The following TMEM200A variants were observed in gnomAD, a reference collection of about 807,000 sequenced individuals.
TMEM200A encodes transmembrane protein 200A.
In TMEM200A, 12 loss-of-function variants were observed where a neutral mutation model predicts 24.3. That is an observed-to-expected ratio of 0.49 (90% CI 0.32 to 0.80). The LOEUF is 0.80. TMEM200A is among the 30% of genes least tolerant of loss of function. The pLI, the probability that TMEM200A is intolerant of heterozygous loss-of-function variation, is 0.04. For missense variants in TMEM200A, 545 were observed against 614.4 expected, an observed-to-expected ratio of 0.89 and a Z score of 1.19; for synonymous variants, 224 against 224.4, an observed-to-expected ratio of 1.00 and a Z score of 0.02.
At chr6:130,414,431 CAAAAAAAAAA>C (rs11317905) in intron 2 of TMEM200A, among the ~76,000 whole-genome samples, 32 of 57,902 alleles carry the variant, frequency 5.5e-4, no homozygotes, top group Non-Finnish European at 5.2e-4. Flanking sequence ...GACTCCATCT[CAAAAAAAAAA>C]AAAAAAAAAA....
rs1778160469 is a variant in TMEM200A at position 130,366,663 on chromosome 6, C to T, written c.-81+139C>T. On this transcript the variant is annotated intron_variant, in intron 1 of 2. Transcript: ENST00000296978. This position sits in a 1 kb window ranked among gnomAD's most constrained non-coding sequence, Gnocchi z 4.4. ...CCAGAGTTAGGTAAACGCTGTCTCT[C>T]CTAAAGTTTGGGAAATAAACCAAGT... 2.5e-6 allele frequency: 2 copies of T among 788,358 alleles called. No homozygotes were observed. The highest frequency in any genetic ancestry group is 3.1e-6 in the Non-Finnish European group (2 of 650,168). 48.8% of individuals were successfully genotyped at this position (788,358 alleles called of 1,614,324 possible). A position where few individuals can be genotyped will look rare whatever the true frequency, so the allele number is the denominator to read the frequency against.
intron 2 of TMEM200A, among the ~76,000 whole-genome samples, chr6:130,402,430 G>A (rs1286949476): frequency 6.6e-6 from 1 of 151,960 alleles, no homozygotes; most frequent in Non-Finnish European, 1.5e-5. Flanking sequence ...TTACTAACTG[G>A]ATAAGACCCA....
At position 130,379,887 on chromosome 6, in the gene TMEM200A, G is replaced by T. The variant is rs144365371; in HGVS notation, c.-80-5286G>T. Reference sequence around the variant, plus strand: ...GAAGGAGGCTTAGGAACAAGCTTTGGGAATTTCTACATTTCAGGGTGGATA... The same window carrying T: ...GAAGGAGGCTTAGGAACAAGCTTTGTGAATTTCTACATTTCAGGGTGGATA... On this transcript the variant is annotated intron_variant, in intron 1 of 2. Transcript: ENST00000296978. Among the ~76,000 whole-genome samples the T allele has an allele frequency of 2.4e-3, 371 of 152,230 alleles. 2 individuals are homozygous for T. The highest frequency in any genetic ancestry group is 8.7e-3 in the African/African-American group (360 of 41,530).
chr6:130,425,921 T>A (rs114010258), intron 2 of TMEM200A, among the ~76,000 whole-genome samples: 2 of 152,260 alleles, frequency 1.3e-5, no homozygotes, highest in African/African-American at 2.4e-5. Flanking sequence ...TCTGATACCA[T>A]TGAGGATCAA....
rs1778164274 is a variant in TMEM200A, at chr6:130,366,717, C to G, written c.-81+193C>G. 6.6e-6 allele frequency among the ~76,000 whole-genome samples: 1 copy of G among 152,202 alleles called. No individual in the cohort carries two copies. ...CCATCAGGTCCAGACTCCCCAGTCC[C>G]GGGAGCGCGAGAGAAGCCGTGCGGG... On this transcript the variant is annotated intron_variant, in intron 1 of 2. Coordinates refer to ENST00000296978, the MANE Select transcript of TMEM200A (RefSeq NM_001258277.2). This position sits in a 1 kb window ranked among gnomAD's most constrained non-coding sequence, Gnocchi z 4.4.
intron 2 of TMEM200A, among the ~76,000 whole-genome samples, chr6:130,415,971 CTTTT>C (rs1779439673): frequency 6.6e-6 from 1 of 151,626 alleles, no homozygotes; most frequent in African/African-American, 2.4e-5. Flanking sequence ...GGCTTTTTTT[CTTTT>C]TATCATTAAA....
intron 2 of TMEM200A, among the ~76,000 whole-genome samples, chr6:130,434,689 G>A (rs1475950446): frequency 6.6e-6 from 1 of 152,032 alleles, no homozygotes; most frequent in Admixed American, 6.6e-5. Flanking sequence ...TAGAACGGAC[G>A]GTATGTGGTA....
chr6:130,382,709 G>A (rs1337359827), intron 1 of TMEM200A, among the ~76,000 whole-genome samples: 1 of 152,130 alleles, frequency 6.6e-6, no homozygotes, highest in Non-Finnish European at 1.5e-5. Flanking sequence ...TTTTACCACT[G>A]GCAATGTTAC....
intron 2 of TMEM200A, among the ~76,000 whole-genome samples, chr6:130,423,906 ATTTC>A (rs1779663143): frequency 6.6e-6 from 1 of 152,106 alleles, no homozygotes; most frequent in Admixed American, 6.6e-5. Context: ...AGTTTTGATA[ATTTC>A]TTATAGAAGT....
intron 2 of TMEM200A, among the ~76,000 whole-genome samples, chr6:130,412,274 T>G (rs1011292597): frequency 6.6e-6 from 1 of 151,932 alleles, no homozygotes; most frequent in Non-Finnish European, 1.5e-5. Context: ...ATCTGGGTAT[T>G]GCCGCCACTC....
At chr6:130,425,308 A>G (rs1779704085) in intron 2 of TMEM200A, among the ~76,000 whole-genome samples, 1 of 151,202 alleles carries the variant, frequency 6.6e-6, no homozygotes. Context: ...ATTGAAAACA[A>G]TATAAGCAGA....
At position 130,404,709 on chromosome 6, in the gene TMEM200A, CA is replaced by C. The variant is rs997206818; in HGVS notation, c.-17+19475del. Among the ~76,000 whole-genome samples, 39 of 152,244 alleles carry C rather than the reference CA, an allele frequency of 2.6e-4. 1 individual carries two copies. The highest frequency in any genetic ancestry group is 8.7e-4 in the African/African-American group (36 of 41,544). ...CATTTGTCAATTTTTACTTTAGTTG[CA>C]ATTGCTTTTGGCGTCTTTGTCATGG... is the stretch of plus-strand genomic sequence containing the variant. On this transcript the variant is annotated intron_variant, in intron 2 of 2. Transcript: ENST00000296978.
chr6:130,422,532 G>T (rs547233245), intron 2 of TMEM200A, among the ~76,000 whole-genome samples: 7 of 152,238 alleles, frequency 4.6e-5, no homozygotes, highest in African/African-American at 1.7e-4. Context: ...CTCCCAAAGT[G>T]CTAGGATTAC....
At chr6:130,415,303 G>A (rs1779423857) in intron 2 of TMEM200A, among the ~76,000 whole-genome samples, 2 of 152,154 alleles carry the variant, frequency 1.3e-5, no homozygotes, top group Admixed American at 1.3e-4. Context: ...AGGTACTAAG[G>A]ACTGGGGGAT....
At chr6:130,374,617 T>C (rs1172150750) in intron 1 of TMEM200A, among the ~76,000 whole-genome samples, 2 of 151,798 alleles carry the variant, frequency 1.3e-5, no homozygotes, top group Non-Finnish European at 1.5e-5. Flanking sequence ...AGAGATGGAG[T>C]TTCACCATGT....
intron 1 of TMEM200A, among the ~76,000 whole-genome samples, chr6:130,381,711 T>TTTGTTG (rs751993888): frequency 7.9e-5 from 12 of 152,146 alleles, no homozygotes; most frequent in Non-Finnish European, 1.6e-4. Context: ...AGGCTACCTC[T>TTTGTTG]TTGTTGTTGT....
intron 2 of TMEM200A, among the ~76,000 whole-genome samples, chr6:130,430,138 G>A (rs1018871023): frequency 6.6e-6 from 1 of 151,908 alleles, no homozygotes. Flanking sequence ...TCTGAAAGCT[G>A]GGAAGTCCAA....
At position 130,440,648 on chromosome 6, in the gene TMEM200A, A is replaced by G; in HGVS notation, c.226A>G (p.Ile76Val). Reference sequence around the variant, plus strand: ...AGGAGTGCTCATCTCCATTATAGGAATTGCTATGGCCGTTCTTGGATATTG... The same window carrying G: ...AGGAGTGCTCATCTCCATTATAGGAGTTGCTATGGCCGTTCTTGGATATTG... ...ILGVLISIIG[I>V]AMAVLGYWPQ... is the part of the protein sequence containing the mutation. The change falls in exon 3 of 3, where the codon ATT becomes GTT. Residue 76 changes from isoleucine to valine, a missense_variant. By Grantham distance (29) the Ile-to-Val change is conservative. Transcript: ENST00000296978. 6.2e-7 allele frequency: 1 copy of G among 1,613,766 alleles called. No individual in the cohort carries two copies. Among genetic ancestry groups the G allele is most frequent in the African/African-American group, 1.3e-5 (1 of 75,046 alleles).
At chr6:130,368,972 C>A (rs1182472741) in intron 1 of TMEM200A, among the ~76,000 whole-genome samples, 1 of 152,032 alleles carries the variant, frequency 6.6e-6, no homozygotes, top group Non-Finnish European at 1.5e-5. Context: ...CAAATTCTGG[C>A]AGAATTAAAG....
Sources: gnomAD v4.1 joint callset for allele counts (sites outside exome capture counted in the v4.1 genomes callset) on GRCh38, gnomAD v4.1.1 for gene constraint, Gnocchi (gnomAD v3.1) non-coding constraint, MANE v1.5 for transcripts, NCBI Gene and HGNC (gene_info 2026-07-23, HGNC 2026-07-21) for gene names.